PAPPA: variants seen among roughly 807,000 people sequenced by gnomAD.
The protein encoded by PAPPA is pappalysin 1, also known as pappalysin-1.
In PAPPA, 60 loss-of-function variants were observed where a neutral mutation model predicts 164.0. That is an observed-to-expected ratio of 0.37 (90% CI 0.30 to 0.45). The LOEUF (loss-of-function observed/expected upper bound fraction) is 0.45. PAPPA is among the 20% of genes least tolerant of loss of function. PAPPA has a pLI of 1.00. For synonymous variants in PAPPA, 875 were observed against 814.1 expected, an observed-to-expected ratio of 1.07 and a Z score of -1.27; for missense variants, 1,782 against 2,087.3, an observed-to-expected ratio of 0.85 and a Z score of 2.85.
intron 10 of PAPPA, among the ~76,000 whole-genome samples, chr9:116,308,865 A>G (rs1465116786): frequency 6.6e-6 from 1 of 152,218 alleles, no homozygotes; most frequent in Non-Finnish European, 1.5e-5. Context: ...TAAGTGTTGT[A>G]AATTGCCAAC....
rs267602099 is a variant in PAPPA, at chr9:116,265,969, G to A, written c.2845G>A (p.Asp949Asn). The A allele has an allele frequency of 6.8e-6, 11 of 1,609,462 alleles. No individual in the cohort carries two copies. Among genetic ancestry groups the A allele is most frequent in the Admixed American group, 1.7e-5 (1 of 59,760 alleles). Residue 949 changes from aspartate (D) to asparagine (N), a missense_variant, in exon 8 of 22, where the codon GAT becomes AAT. Coordinates refer to ENST00000328252, the MANE Select transcript of PAPPA (RefSeq NM_002581.5). ...CATCCATGGAAGTGGGTACTGTGGC[G>A]ATGGCATTATACAAAAGTAAGTAGA... ...TYIHGSGYCG[D>N]GIIQKDQGEQ...
At chr9:116,238,853 CT>C (rs574320539) in intron 7 of PAPPA, among the ~76,000 whole-genome samples, 13 of 152,274 alleles carry the variant, frequency 8.5e-5, no homozygotes, top group African/African-American at 2.9e-4. Flanking sequence ...ACCATTTCAA[CT>C]CCTTTATCTC....
intron 10 of PAPPA, among the ~76,000 whole-genome samples, chr9:116,318,937 G>A (rs1380614064): frequency 6.6e-6 from 1 of 152,174 alleles, no homozygotes; most frequent in Non-Finnish European, 1.5e-5. Flanking sequence ...CAGCTGCCCT[G>A]TGGCTCAGGC....
intron 7 of PAPPA, among the ~76,000 whole-genome samples, chr9:116,264,640 A>G (rs1476116683): frequency 6.6e-6 from 1 of 152,140 alleles, no homozygotes; most frequent in Non-Finnish European, 1.5e-5. Flanking sequence ...GGAGAACTTG[A>G]GATTTTTTGA....
At chr9:116,276,307 T>C (rs1845197739) in intron 9 of PAPPA, among the ~76,000 whole-genome samples, 1 of 152,232 alleles carries the variant, frequency 6.6e-6, no homozygotes, top group Non-Finnish European at 1.5e-5. Flanking sequence ...AATATATCTT[T>C]AGCTGGTGCT....
chr9:116,233,997 A>G (rs967111185), intron 6 of PAPPA, among the ~76,000 whole-genome samples: 1 of 152,042 alleles, frequency 6.6e-6, no homozygotes, highest in Non-Finnish European at 1.5e-5. Flanking sequence ...CAATCAGACC[A>G]TTCCACTGCA....
At chr9:116,203,228 A>G (rs1844191892) in intron 2 of PAPPA, among the ~76,000 whole-genome samples, 2 of 152,242 alleles carry the variant, frequency 1.3e-5, no homozygotes, top group Non-Finnish European at 2.9e-5. Context: ...GTTAGAGCAG[A>G]GAGGTTTGTT....
At chr9:116,192,639 G>A (rs756901089) in intron 2 of PAPPA, among the ~76,000 whole-genome samples, 11 of 152,312 alleles carry the variant, frequency 7.2e-5, no homozygotes, top group Non-Finnish European at 1.2e-4. Flanking sequence ...TACTAGCCAG[G>A]AGGAGCAGTC....
chr9:116,230,443 T>C (rs1348139405), intron 6 of PAPPA, among the ~76,000 whole-genome samples: 1 of 152,158 alleles, frequency 6.6e-6, no homozygotes, highest in Non-Finnish European at 1.5e-5. Context: ...AGGAGGAGGA[T>C]TGGACCATGG....
chr9:116,192,521 C>A (rs1001452359), intron 2 of PAPPA, among the ~76,000 whole-genome samples: 1 of 152,208 alleles, frequency 6.6e-6, no homozygotes, highest in Non-Finnish European at 1.5e-5. Flanking sequence ...GTTGAATGCT[C>A]TCTCTGTGCC....
rs560000600 is a variant in PAPPA at position 116,402,275 on chromosome 9, C to T, written c.*5659C>T. ...TATTTTGCCACTGTTGATTACTATACTTTAAAGTTCTATATTATGAAAATA... is the reference window on the plus strand; with the variant it reads ...TATTTTGCCACTGTTGATTACTATATTTTAAAGTTCTATATTATGAAAATA... On this transcript the variant is annotated 3_prime_UTR_variant, in exon 22 of 22. Coordinates refer to ENST00000328252, the MANE Select transcript of PAPPA (RefSeq NM_002581.5). 1.3e-5 allele frequency: 2 copies of T among 152,426 alleles called. No individual in the cohort carries two copies. Among genetic ancestry groups the T allele is most frequent in the East Asian group, 3.9e-4 (2 of 5,172 alleles). The allele number at this position is 152,426 out of a possible 1,614,324, so 9.4% of individuals were successfully genotyped here.
intron 19 of PAPPA, among the ~76,000 whole-genome samples, chr9:116,371,513 T>C (rs1846573458): frequency 6.6e-6 from 1 of 152,148 alleles, no homozygotes; most frequent in African/African-American, 2.4e-5. Flanking sequence ...TGCAGAAAAA[T>C]ATAACACCCA....
chr9:116,285,171 C>CTTTTTTTTTT, intron 9 of PAPPA, among the ~76,000 whole-genome samples: 65 of 89,486 alleles, frequency 7.3e-4, no homozygotes, highest in Non-Finnish European at 1.0e-3. Flanking sequence ...TTCTTTCTTT[C>CTTTTTTTTTT]TTTTTTTTTT....
chr9:116,244,802 T>C (rs1213598657), intron 7 of PAPPA, among the ~76,000 whole-genome samples: 3 of 152,092 alleles, frequency 2.0e-5, no homozygotes, highest in Non-Finnish European at 4.4e-5. Context: ...GATCCAGCAA[T>C]CCCACTCCTG....
chr9:116,300,323 G>T (rs1013174468), intron 9 of PAPPA, among the ~76,000 whole-genome samples: 1 of 151,662 alleles, frequency 6.6e-6, no homozygotes, highest in Non-Finnish European at 1.5e-5. Flanking sequence ...TGTCACCCAG[G>T]CTGGAGTGCA....
At chr9:116,259,558 T>C (rs751955235) in intron 7 of PAPPA, among the ~76,000 whole-genome samples, 1 of 152,234 alleles carries the variant, frequency 6.6e-6, no homozygotes, top group Non-Finnish European at 1.5e-5. Context: ...TCAGGCTTGT[T>C]AGTAATCAGG....
At chr9:116,272,651 C>T (rs1845151012) in intron 9 of PAPPA, among the ~76,000 whole-genome samples, 1 of 152,012 alleles carries the variant, frequency 6.6e-6, no homozygotes, top group Non-Finnish European at 1.5e-5. Flanking sequence ...AGGTAGATGC[C>T]CCAGGAGAAA....
chr9:116,279,684 C>T (rs1161353145), intron 9 of PAPPA, among the ~76,000 whole-genome samples: 2 of 152,182 alleles, frequency 1.3e-5, no homozygotes, highest in East Asian at 3.9e-4. Flanking sequence ...TAGCCAAGAA[C>T]AAGGACTTCA....
intron 1 of PAPPA, among the ~76,000 whole-genome samples, chr9:116,184,415 G>C (rs182353754): frequency 6.6e-6 from 1 of 152,004 alleles, no homozygotes; most frequent in African/African-American, 2.4e-5. Context: ...TTGATATGTC[G>C]TGCAAGATGC....
Sources: allele counts gnomAD v4.1 joint callset (sites outside exome capture counted in the v4.1 genomes callset), GRCh38; gene constraint gnomAD v4.1.1; transcripts MANE v1.5; gene names NCBI Gene and HGNC (gene_info 2026-07-23, HGNC 2026-07-21).